Variants in DNM3 observed in about 807,000 individuals in gnomAD.
DNM3 encodes dynamin 3.
Under a neutral mutation model 101.6 loss-of-function variants are expected in DNM3, and 47 were observed. That is an observed-to-expected ratio of 0.46 (90% CI 0.37 to 0.59). The LOEUF (loss-of-function observed/expected upper bound fraction) is 0.59, where lower values mean the gene tolerates loss of function less well. DNM3 is among the 20% of genes least tolerant of loss of function. The pLI, the probability that DNM3 is intolerant of heterozygous loss-of-function variation, is 0.00. For missense variants in DNM3, 849 were observed against 1,085.7 expected (o/e 0.78, Z 3.06); for synonymous variants, 385 against 387.9 (o/e 0.99, Z 0.09).
At chr1:171,945,104 A>G (rs1234268927) in intron 2 of DNM3, among the ~76,000 whole-genome samples, 1 of 151,874 alleles carries the variant, frequency 6.6e-6, no homozygotes, top group African/African-American at 2.4e-5. Context: ...TCCTGGGCTC[A>G]AGTAATCCTA....
intron 14 of DNM3, among the ~76,000 whole-genome samples, chr1:172,154,965 T>C (rs1039498479): frequency 2.0e-5 from 3 of 152,066 alleles, no homozygotes; most frequent in South Asian, 2.1e-4. Context: ...TATTTAAAAC[T>C]CTGTATATGA....
chr1:171,971,872 T>G (rs865823139), intron 2 of DNM3, among the ~76,000 whole-genome samples: 9 of 152,312 alleles, frequency 5.9e-5, no homozygotes, highest in Middle Eastern at 3.4e-3. Context: ...AGTTAGTCTC[T>G]ATAACTGATT....
rs1243053508 is a variant in DNM3 at position 171,901,112 on chromosome 1, C to CAA, written c.162-20618_162-20617dup. ...TGGGCGACAGAGCGAGACTCTGTCTCAAAAAAAAAAAAAAAAAAAGAAAGA... is the reference window on the plus strand; with the variant it reads ...TGGGCGACAGAGCGAGACTCTGTCTCAAAAAAAAAAAAAAAAAAAAAGAAAGA... On this transcript the variant is annotated intron_variant, in intron 1 of 20. Transcript: ENST00000627582. Among the ~76,000 whole-genome samples the CAA allele has an allele frequency of 6.4e-3, 425 of 66,612 alleles. 41 individuals carry two copies. The highest frequency in any genetic ancestry group is 0.023 in the African/African-American group (367 of 15,940). The allele number at this position is 66,612 out of a possible 152,430, so 43.7% of individuals were successfully genotyped here.
intron 7 of DNM3, among the ~76,000 whole-genome samples, chr1:172,039,825 G>C (rs923618467): frequency 2.0e-5 from 3 of 151,896 alleles, no homozygotes; most frequent in Non-Finnish European, 4.4e-5. Context: ...TGCACTCAGT[G>C]TCTGGTTCTG....
intron 15 of DNM3, among the ~76,000 whole-genome samples, chr1:172,304,475 G>A (rs1484283714): frequency 2.6e-5 from 4 of 151,990 alleles, no homozygotes; most frequent in Non-Finnish European, 5.9e-5. Flanking sequence ...ACAGATCAAC[G>A]AGACAGAAGG....
Position 172,410,563 on chromosome 1 carries a change from A to G in DNM3, c.*2722A>G, listed in dbSNP as rs144602847. ...GACTAATTGGAATAACCATTTACTCAATTATGGACAGCTTATTGAAATAGT... is the reference window on the plus strand; with the variant it reads ...GACTAATTGGAATAACCATTTACTCGATTATGGACAGCTTATTGAAATAGT... On this transcript the variant is annotated 3_prime_UTR_variant, in exon 21 of 21. Coordinates refer to ENST00000627582, the MANE Select transcript of DNM3 (RefSeq NM_015569.5). The G allele has an allele frequency of 3.2e-4, 319 of 984,590 alleles. 1 individual carries two copies. The African/African-American group carries it at 4.6e-3, about 14-fold the overall frequency. The allele number at this position is 984,590 out of a possible 1,614,324, so 61.0% of individuals were successfully genotyped here. A position where few individuals can be genotyped will look rare whatever the true frequency, so the allele number is the denominator to read the frequency against.
In DNM3 at chr1:171,915,029, C is replaced by T. The variant is rs576404912; in HGVS notation, c.162-6719C>T. 3.3e-5 allele frequency among the ~76,000 whole-genome samples: 5 copies of T among 152,210 alleles called. No individual in the cohort carries two copies. The East Asian group carries it at 9.7e-4, about 29-fold the overall frequency. On this transcript the variant is annotated intron_variant, in intron 1 of 20. Transcript: ENST00000627582. ...GACACGAAGTCTAAGAGCACAGATGCGCACAGAGACTTACACTAGAGGACA... is the reference window on the plus strand; with the variant it reads ...GACACGAAGTCTAAGAGCACAGATGTGCACAGAGACTTACACTAGAGGACA...
At chr1:172,041,249 A>G (rs1364809482) in intron 7 of DNM3, among the ~76,000 whole-genome samples, 1 of 152,094 alleles carries the variant, frequency 6.6e-6, no homozygotes, top group Non-Finnish European at 1.5e-5. Flanking sequence ...TGGAGAAGAA[A>G]TTACCTACAA....
intron 2 of DNM3, among the ~76,000 whole-genome samples, chr1:171,942,319 G>A (rs1204682858): frequency 6.7e-6 from 1 of 149,434 alleles, no homozygotes; most frequent in Non-Finnish European, 1.5e-5. Flanking sequence ...CCTATTCCAA[G>A]GAACCATATG....
chr1:172,296,905 G>T (rs1237189555), intron 15 of DNM3, among the ~76,000 whole-genome samples: 5 of 152,168 alleles, frequency 3.3e-5, no homozygotes, highest in Admixed American at 3.3e-4. Flanking sequence ...CACTTTGGGA[G>T]GCCAAGGCGG....
chr1:172,187,680 G>T (rs1232540255), intron 14 of DNM3, among the ~76,000 whole-genome samples: 9 of 152,062 alleles, frequency 5.9e-5, no homozygotes, highest in African/African-American at 1.9e-4. Context: ...TGGCACTTGT[G>T]CCTCCTCATT....
chr1:172,303,839 T>C (rs974578621), intron 15 of DNM3, among the ~76,000 whole-genome samples: 2 of 152,168 alleles, frequency 1.3e-5, no homozygotes, highest in South Asian at 4.1e-4. Flanking sequence ...TGAGAGATTT[T>C]GTCACCACCA....
chr1:171,874,785 A>G (rs1316042595), intron 1 of DNM3, among the ~76,000 whole-genome samples: 1 of 151,448 alleles, frequency 6.6e-6, no homozygotes, highest in Non-Finnish European at 1.5e-5. Context: ...TAGTACCCAT[A>G]GTATCCAGTA....
At chr1:172,180,944 T>A (rs2059321887) in intron 14 of DNM3, among the ~76,000 whole-genome samples, 1 of 152,100 alleles carries the variant, frequency 6.6e-6, no homozygotes, top group Non-Finnish European at 1.5e-5. Flanking sequence ...AATATCTGTT[T>A]ACCAACATTT....
chr1:172,219,377 CAAAAAAAA>C (rs58783160), intron 14 of DNM3, among the ~76,000 whole-genome samples: 4 of 56,302 alleles, frequency 7.1e-5, no homozygotes, highest in African/African-American at 1.5e-4. Flanking sequence ...TACCCTGTCT[CAAAAAAAA>C]AAAAAAAAAA....
At chr1:172,152,629 G>A (rs1451178476) in intron 14 of DNM3, among the ~76,000 whole-genome samples, 4 of 152,162 alleles carry the variant, frequency 2.6e-5, no homozygotes, top group African/African-American at 9.6e-5. Flanking sequence ...TGCCACTTCT[G>A]TTGCATTCCC....
intron 16 of DNM3, chr1:172,309,465 G>A (rs1444008920): frequency 6.6e-6 from 1 of 152,140 alleles, no homozygotes; most frequent in Non-Finnish European, 1.5e-5. Context: ...ATATTACACA[G>A]ACTAGTCTAA....
chr1:172,186,242 A>G (rs1174066518), intron 14 of DNM3, among the ~76,000 whole-genome samples: 1 of 152,092 alleles, frequency 6.6e-6, no homozygotes, highest in Non-Finnish European at 1.5e-5. Flanking sequence ...CTCAAAGTGC[A>G]GAGTGCTTAA....
At chr1:172,041,154 G>C (rs1230953534) in intron 7 of DNM3, among the ~76,000 whole-genome samples, 3 of 152,150 alleles carry the variant, frequency 2.0e-5, no homozygotes, top group Non-Finnish European at 4.4e-5. Flanking sequence ...GGAGCCTTCA[G>C]TGATGCTGGG....
Sources: allele counts gnomAD v4.1 joint callset (sites outside exome capture counted in the v4.1 genomes callset), GRCh38; gene constraint gnomAD v4.1.1; transcripts MANE v1.5; gene names NCBI Gene and HGNC (gene_info 2026-07-23, HGNC 2026-07-21).